Variants in RBFOX1 observed in about 807,000 individuals in gnomAD.
RBFOX1 encodes RNA binding protein fox-1 homolog 1.
In RBFOX1, 8 loss-of-function variants were observed where a neutral mutation model predicts 57.7. The observed-to-expected ratio is 0.14, with a 90% CI of 0.08 to 0.25. The LOEUF (loss-of-function observed/expected upper bound fraction) is 0.25, where lower values mean the gene tolerates loss of function less well. Ranked by LOEUF, RBFOX1 falls within the 10% of genes least tolerant of loss-of-function variation. The pLI, the probability that RBFOX1 is intolerant of heterozygous loss-of-function variation, is 1.00. For missense variants in RBFOX1, 611 were observed against 548.5 expected, an observed-to-expected ratio of 1.11 and a Z score of -1.14; for synonymous variants, 326 against 222.4, an observed-to-expected ratio of 1.47 and a Z score of -4.15.
At chr16:6,996,622 A>G (rs971327919) in intron 3 of RBFOX1, among the ~76,000 whole-genome samples, 6 of 152,184 alleles carry the variant, frequency 3.9e-5, no homozygotes, top group East Asian at 1.9e-4. Context: ...CATTTAACCA[A>G]TGGGGACAGT....
chr16:7,187,937 C>T (rs1254903342), intron 4 of RBFOX1, among the ~76,000 whole-genome samples: 2 of 152,092 alleles, frequency 1.3e-5, no homozygotes, highest in South Asian at 2.1e-4. Flanking sequence ...TGGGTCAAAT[C>T]ACAGCACTTT....
intron 1 of RBFOX1, among the ~76,000 whole-genome samples, chr16:6,193,375 TAC>T (rs1354545090): frequency 3.1e-5 from 2 of 64,862 alleles, no homozygotes; most frequent in Non-Finnish European, 3.5e-5. Context: ...TATATATATA[TAC>T]ATTATATATA....
At chr16:7,172,090 C>G (rs773345473) in intron 4 of RBFOX1, among the ~76,000 whole-genome samples, 1 of 152,104 alleles carries the variant, frequency 6.6e-6, no homozygotes, top group South Asian at 2.1e-4. Context: ...TTTGCTTTAA[C>G]GTTCTCATCT....
chr16:6,976,147 C>G (rs965790169), intron 3 of RBFOX1, among the ~76,000 whole-genome samples: 24 of 151,608 alleles, frequency 1.6e-4, no homozygotes, highest in Non-Finnish European at 2.9e-4. Context: ...AAGAAACAAA[C>G]AAAAAAACTA....
chr16:6,851,882 A>AT (rs1437541518), intron 3 of RBFOX1, among the ~76,000 whole-genome samples: 2 of 149,090 alleles, frequency 1.3e-5, no homozygotes, highest in Admixed American at 6.7e-5. Context: ...CTTTAGCTGT[A>AT]TTTTTTGGGG....
At chr16:7,179,253 T>C (rs993682682) in intron 4 of RBFOX1, among the ~76,000 whole-genome samples, 3 of 151,976 alleles carry the variant, frequency 2.0e-5, no homozygotes, top group Non-Finnish European at 2.9e-5. Context: ...AGAAAATACT[T>C]AAGTTATCCT....
intron 4 of RBFOX1, among the ~76,000 whole-genome samples, chr16:7,310,104 C>A (rs939988148): frequency 6.6e-6 from 1 of 152,188 alleles, no homozygotes; most frequent in African/African-American, 2.4e-5. Context: ...AGCTCTCAGG[C>A]ACAATGGCCC....
intron 4 of RBFOX1, among the ~76,000 whole-genome samples, chr16:7,150,618 C>G (rs1216785160): frequency 1.3e-5 from 2 of 152,160 alleles, no homozygotes; most frequent in African/African-American, 4.8e-5. Context: ...TCTCTATTGA[C>G]AACTTAATTC....
At chr16:7,594,083 G>C (rs2094572454) in intron 7 of RBFOX1, among the ~76,000 whole-genome samples, 1 of 152,084 alleles carries the variant, frequency 6.6e-6, no homozygotes, top group Non-Finnish European at 1.5e-5. Context: ...CCATCAACTA[G>C]TCATTTACAT....
chr16:5,868,676 G>C (rs1489433952), intron 4 of RBFOX1, among the ~76,000 whole-genome samples: 1 of 152,196 alleles, frequency 6.6e-6, no homozygotes, highest in Non-Finnish European at 1.5e-5. Context: ...GTGAGGCAGG[G>C]ATTTGGGAAG....
At chr16:5,566,592 GTGTGTATATA>G (rs906851814) in intron 2 of RBFOX1, among the ~76,000 whole-genome samples, 11 of 151,248 alleles carry the variant, frequency 7.3e-5, no homozygotes, top group Non-Finnish European at 1.0e-4. Flanking sequence ...ATGTATATAT[GTGTGTATATA>G]TGTGTATATA....
intron 3 of RBFOX1, among the ~76,000 whole-genome samples, chr16:6,993,898 A>G (rs1274182216): frequency 2.6e-5 from 4 of 152,184 alleles, no homozygotes; most frequent in Non-Finnish European, 4.4e-5. Flanking sequence ...ACATTAATGT[A>G]TCTCATATTG....
chr16:6,816,766 A>G (rs930338554), intron 3 of RBFOX1, among the ~76,000 whole-genome samples: 4 of 151,666 alleles, frequency 2.6e-5, no homozygotes, highest in African/African-American at 9.7e-5. Flanking sequence ...AAGAAAAGAA[A>G]CAGGGTGTTG....
intron 4 of RBFOX1, among the ~76,000 whole-genome samples, chr16:7,417,640 A>G (rs1035678239): frequency 3.3e-5 from 5 of 151,904 alleles, no homozygotes; most frequent in African/African-American, 9.7e-5. Context: ...CTCCATCACA[A>G]AGATCCTAGG....
At chr16:5,818,092 C>G (rs1193074298) in intron 3 of RBFOX1, among the ~76,000 whole-genome samples, 2 of 152,146 alleles carry the variant, frequency 1.3e-5, no homozygotes, top group East Asian at 3.9e-4. Flanking sequence ...TATTCAATAA[C>G]TTTATCCCCA....
chr16:6,928,826 C>T lies in RBFOX1; in HGVS notation c.-15-123231C>T, dbSNP rs548725262. Among the ~76,000 whole-genome samples, 10 of 152,218 alleles carry T rather than the reference C, an allele frequency of 6.6e-5. No homozygotes were observed. The South Asian group carries it at 2.1e-3, about 32-fold the overall frequency. On this transcript the variant is annotated intron_variant, in intron 3 of 15. Transcript: ENST00000550418. ...TGCACACAGAAAAAGAACAGTAACA[C>T]ACACAAAAAAATCAGCCAGTTAAAA...
At chr16:6,192,913 C>A (rs1011289873) in intron 1 of RBFOX1, among the ~76,000 whole-genome samples, 4 of 152,088 alleles carry the variant, frequency 2.6e-5, no homozygotes, top group Non-Finnish European at 4.4e-5. Flanking sequence ...GACAAGCACT[C>A]TTTGAGTGAT....
intron 4 of RBFOX1, among the ~76,000 whole-genome samples, chr16:7,275,642 C>T (rs1603473156): frequency 1.3e-5 from 2 of 150,688 alleles, no homozygotes; most frequent in African/African-American, 4.8e-5. Flanking sequence ...AAATGATGAG[C>T]TTATCTGTTT....
intron 3 of RBFOX1, among the ~76,000 whole-genome samples, chr16:6,914,115 A>G (rs371717040): frequency 6.6e-6 from 1 of 152,274 alleles, no homozygotes; most frequent in Non-Finnish European, 1.5e-5. Flanking sequence ...TTGGAATGAT[A>G]CCTCTGCATG....
Sources: allele counts gnomAD v4.1 joint callset (sites outside exome capture counted in the v4.1 genomes callset), GRCh38; gene constraint gnomAD v4.1.1; transcripts MANE v1.5; gene names NCBI Gene and HGNC (gene_info 2026-07-23, HGNC 2026-07-21).